Variants in ETV1 observed in about 807,000 individuals in gnomAD.
The protein encoded by ETV1 is ETS translocation variant 1.
A neutral mutation model predicts 62.3 loss-of-function variants in ETV1; 27 were observed. The observed-to-expected ratio is 0.43, with a 90% CI of 0.32 to 0.60. The LOEUF is 0.60. Ranked by LOEUF, ETV1 falls within the 20% of genes least tolerant of loss-of-function variation. ETV1 has a pLI of 0.06. For missense variants in ETV1, 605 were observed against 605.8 expected (o/e 1.00, Z 0.01); for synonymous variants, 222 against 199.6 (o/e 1.11, Z -0.94).
chr7:13,909,675 C>T lies in ETV1; in HGVS notation c.897G>A (p.Arg299=). The change falls in exon 11 of 14, where the codon AGG becomes AGA. Residue 299 remains arginine (R), a synonymous_variant. Transcript: ENST00000430479. ...TEGCMFEKGP[R]QFYDDTCVVP... ...CAACACAGGTGTCATCATAAAACTG[C>T]CTGGGGCCCTTTTCAAACATACAGC... is the stretch of plus-strand genomic sequence containing the variant. 6.2e-7 allele frequency: 1 copy of T among 1,613,280 alleles called. No individual in the cohort carries two copies. Among genetic ancestry groups the T allele is most frequent in the Non-Finnish European group, 8.5e-7 (1 of 1,179,434 alleles).
chr7:13,986,937 T>C, intron 4 of ETV1: 1 of 399,394 alleles, frequency 2.5e-6, no homozygotes, highest in Non-Finnish European at 4.4e-6. Context: ...TTCTTCTTTT[T>C]AACAAACAGC....
At chr7:13,896,142 G>A (rs1334402790) in intron 13 of ETV1, 55 bp from the exon 14 acceptor site, 2 of 1,476,854 alleles carry the variant, frequency 1.4e-6, no homozygotes, top group Non-Finnish European at 1.9e-6. Context: ...GATGGGGAAG[G>A]ACAGGAAGGA....
intron 5 of ETV1, 22 bp from the exon 6 acceptor site, chr7:13,977,502 A>G: frequency 7.2e-7 from 1 of 1,380,606 alleles, no homozygotes; most frequent in Non-Finnish European, 9.5e-7. Context: ...AAAGAAAATT[A>G]AAAAAAATTA....
At chr7:13,903,592 G>A (rs556242222) in intron 12 of ETV1, among the ~76,000 whole-genome samples, 1 of 151,736 alleles carries the variant, frequency 6.6e-6, no homozygotes, top group African/African-American at 2.4e-5. Flanking sequence ...GTGAAACCCC[G>A]TCCCTACTAA....
chr7:13,918,479 CCA>C (rs1784446387), intron 9 of ETV1, among the ~76,000 whole-genome samples: 1 of 151,878 alleles, frequency 6.6e-6, no homozygotes, highest in Non-Finnish European at 1.5e-5. Context: ...TGGAACCAAC[CCA>C]AATGTCCAAC....
At chr7:13,951,194 T>A (rs189583248) in intron 6 of ETV1, among the ~76,000 whole-genome samples, 39 of 151,748 alleles carry the variant, frequency 2.6e-4, no homozygotes, top group Admixed American at 1.4e-3. Flanking sequence ...GCATGTTCTC[T>A]CTCTCTCACA....
In ETV1 at chr7:13,895,876, T is replaced by C. The variant is rs567417512; in HGVS notation, c.1424A>G (p.Tyr475Cys). The C allele has an allele frequency of 5.0e-6, 8 of 1,613,152 alleles. No individual in the cohort carries two copies. The South Asian group carries it at 5.5e-5, about 11-fold the overall frequency. The change falls in exon 14 of 14, where the codon TAC becomes TGC. Residue 475 changes from tyrosine to cysteine, a missense_variant. Physicochemically the swap from Tyr to Cys is radical, Grantham distance 194 (BLOSUM62 -2). Around this residue, in one of 3 missense-constraint regions of ETV1, gnomAD observed 79 missense variants for 71.6 expected, o/e 1.10. Coordinates refer to ENST00000430479, the MANE Select transcript of ETV1 (RefSeq NM_004956.5). The part of the protein sequence containing the change: ...CCNPHPYNEG[Y>C]VY ...TGACTGTCACTTGTGTTAATACACG[T>C]AGCCTTCGTTGTAGGGGTGGGGGTT...
At chr7:13,947,564 A>T (rs1788320899) in intron 6 of ETV1, among the ~76,000 whole-genome samples, 1 of 152,220 alleles carries the variant, frequency 6.6e-6, no homozygotes, top group African/African-American at 2.4e-5. Context: ...CTGACTAAAG[A>T]TCTAACACTA....
intron 7 of ETV1, among the ~76,000 whole-genome samples, chr7:13,937,915 T>C (rs1180355117): frequency 6.6e-6 from 1 of 152,172 alleles, no homozygotes; most frequent in Non-Finnish European, 1.5e-5. Flanking sequence ...TATCTGAGCA[T>C]TGGTCAGCTG....
At chr7:13,956,866 G>A (rs1016418738) in intron 6 of ETV1, among the ~76,000 whole-genome samples, 1 of 152,028 alleles carries the variant, frequency 6.6e-6, no homozygotes, top group Non-Finnish European at 1.5e-5. Flanking sequence ...GTAAATATCA[G>A]TTACTAATTT....
intron 6 of ETV1, among the ~76,000 whole-genome samples, chr7:13,970,687 TA>T (rs532371940): frequency 3.2e-4 from 48 of 151,934 alleles, no homozygotes; most frequent in Non-Finnish European, 6.5e-4. Context: ...AAATTAGTAA[TA>T]AAAAATCAAC....
chr7:13,926,351 GA>G (rs1385497234), intron 9 of ETV1, among the ~76,000 whole-genome samples: 2 of 151,970 alleles, frequency 1.3e-5, no homozygotes, highest in Non-Finnish European at 2.9e-5. Context: ...AAAATAAAAT[GA>G]AACAAAAAAA....
rs527608778 is a variant in ETV1, at chr7:13,892,863, C to G, written c.*3003G>C. On this transcript the variant is annotated 3_prime_UTR_variant, in exon 14 of 14. Coordinates refer to ENST00000430479, the MANE Select transcript of ETV1 (RefSeq NM_004956.5). ...CTGGAGCCTCCAGAAGGAACCAGAC[C>G]TAAGGACATCTTGGTTTTAGTCTCT... 126 of 232,176 alleles carry G rather than the reference C, an allele frequency of 5.4e-4. No homozygotes were observed. Among genetic ancestry groups the G allele is most frequent in the African/African-American group, 2.4e-3 (110 of 45,374 alleles). 14.4% of individuals were successfully genotyped at this position (232,176 alleles called of 1,614,324 possible). A position where few individuals can be genotyped will look rare whatever the true frequency, so the allele number is the denominator to read the frequency against.
intron 12 of ETV1, 69 bp downstream of exon 12, chr7:13,906,361 A>G: frequency 9.5e-7 from 1 of 1,052,530 alleles, no homozygotes; most frequent in South Asian, 2.3e-5. Context: ...TTGGTATATT[A>G]ATCAAATGTG....
At chr7:13,981,130 A>G (rs777736917) in intron 5 of ETV1, among the ~76,000 whole-genome samples, 12 of 152,066 alleles carry the variant, frequency 7.9e-5, no homozygotes, top group Non-Finnish European at 1.5e-4. Context: ...AAGAATTACA[A>G]ATAAAACAAA....
At chr7:13,978,469 A>G (rs1222841893) in intron 5 of ETV1, among the ~76,000 whole-genome samples, 3 of 152,086 alleles carry the variant, frequency 2.0e-5, no homozygotes, top group African/African-American at 7.2e-5. Flanking sequence ...AATATAATGA[A>G]TTATCATCCT....
rs1418027513 is a variant in ETV1, at chr7:13,895,565, C to T, written c.*301G>A. 3 of 361,416 alleles carry T rather than the reference C, an allele frequency of 8.3e-6. No individual in the cohort carries two copies. The highest frequency in any genetic ancestry group is 8.3e-5 in the Admixed American group (2 of 24,188). The allele number at this position is 361,416 out of a possible 1,614,324, so 22.4% of individuals were successfully genotyped here. On this transcript the variant is annotated 3_prime_UTR_variant, in exon 14 of 14. Transcript: ENST00000430479. ...AGACATGATATAGTTTCATCATACT[C>T]AAAACTTGTAGGACCCCATCCCAAG...
intron 11 of ETV1, among the ~76,000 whole-genome samples, chr7:13,908,976 C>T (rs1261891457): frequency 6.6e-6 from 1 of 151,372 alleles, no homozygotes; most frequent in Non-Finnish European, 1.5e-5. Context: ...CTTTTGTCAC[C>T]TTTGTCAAAA....
At chr7:13,964,740 ATAAGTATCTT>A (rs576394178) in intron 6 of ETV1, among the ~76,000 whole-genome samples, 1,599 of 152,190 alleles carry the variant, frequency 0.011, 37 homozygotes, top group African/African-American at 0.037. Flanking sequence ...AGATACTGGA[ATAAGTATCTT>A]ATAGTGAATC....
Sources: gnomAD v4.1 joint callset for allele counts (sites outside exome capture counted in the v4.1 genomes callset) on GRCh38, gnomAD v4.1.1 for gene constraint, gnomAD v4.1.1 regional missense constraint, MANE v1.5 for transcripts, NCBI Gene and HGNC (gene_info 2026-07-23, HGNC 2026-07-21) for gene names.